Variants in PATJ observed in about 807,000 individuals in gnomAD.
The protein encoded by PATJ is PATJ crumbs cell polarity complex component.
In PATJ, 190 loss-of-function variants were observed where a neutral mutation model predicts 224.9. That is an observed-to-expected ratio of 0.84 (90% CI 0.75 to 0.95). The LOEUF (loss-of-function observed/expected upper bound fraction) is 0.95. Ranked by LOEUF, PATJ falls within the 40% of genes least tolerant of loss-of-function variation. The probability of loss-of-function intolerance (pLI) is 0.00; values close to 1 mark genes in which losing one functional copy is unlikely to be tolerated. For synonymous variants in PATJ, 769 were observed against 820.3 expected (o/e 0.94, Z 1.07); for missense variants, 2,121 against 2,270.3 (o/e 0.93, Z 1.34).
At chr1:62,052,440 A>G (rs944896873) in intron 31 of PATJ, among the ~76,000 whole-genome samples, 3 of 102,008 alleles carry the variant, frequency 2.9e-5, no homozygotes, top group East Asian at 2.1e-4. Flanking sequence ...GAGATTGACT[A>G]AAAAAAAAAA....
chr1:61,742,714 G>A (rs1247652878), intron 1 of PATJ, among the ~76,000 whole-genome samples, 159 bp downstream of exon 1: 1 of 151,480 alleles, frequency 6.6e-6, no homozygotes, highest in Non-Finnish European at 1.5e-5. Flanking sequence ...GGAGCCGGAG[G>A]TGGAGGGCGC....
chr1:61,990,450 G>C, intron 28 of PATJ, 86 bp downstream of exon 28: 154 of 758,960 alleles, frequency 2.0e-4, no homozygotes, highest in Non-Finnish European at 2.8e-4. Context: ...TGAAAGGGAA[G>C]AATGATGTCA....
intron 27 of PATJ, among the ~76,000 whole-genome samples, chr1:61,935,974 T>C (rs1363636158): frequency 6.6e-6 from 1 of 152,176 alleles, no homozygotes; most frequent in East Asian, 1.9e-4. Context: ...AGTCACAGTC[T>C]TTTTTAAGCT....
intron 27 of PATJ, among the ~76,000 whole-genome samples, chr1:61,980,327 A>C (rs1207208730): frequency 1.3e-5 from 2 of 151,984 alleles, no homozygotes; most frequent in Admixed American, 6.6e-5. Context: ...AGTCTATATA[A>C]AGATGGTTGT....
At chr1:61,908,803 T>A (rs1444685641) in intron 25 of PATJ, among the ~76,000 whole-genome samples, 3 of 152,204 alleles carry the variant, frequency 2.0e-5, no homozygotes, top group African/African-American at 7.2e-5. Flanking sequence ...GTTACTTTGT[T>A]TATGAAATAC....
chr1:62,147,539 C>T (rs1477354587), intron 41 of PATJ, among the ~76,000 whole-genome samples: 7 of 152,192 alleles, frequency 4.6e-5, no homozygotes, highest in African/African-American at 1.7e-4. Context: ...TGGCTCACGC[C>T]TGTAATCCCA....
intron 25 of PATJ, among the ~76,000 whole-genome samples, chr1:61,912,966 A>G (rs1223341664): frequency 6.6e-6 from 1 of 152,164 alleles, no homozygotes; most frequent in East Asian, 1.9e-4. Flanking sequence ...AAACAGAGAT[A>G]GAAATATTAG....
intron 14 of PATJ, among the ~76,000 whole-genome samples, chr1:61,813,014 T>C (rs896724293): frequency 6.6e-6 from 1 of 151,972 alleles, no homozygotes; most frequent in African/African-American, 2.4e-5. Context: ...ATTAGCTTTT[T>C]AGCCTCCTGT....
intron 20 of PATJ, among the ~76,000 whole-genome samples, chr1:61,868,308 C>T (rs1274252231): frequency 6.6e-6 from 1 of 152,156 alleles, no homozygotes; most frequent in Non-Finnish European, 1.5e-5. Flanking sequence ...TGATCTTTCT[C>T]CTCTCTCTCT....
intron 13 of PATJ, among the ~76,000 whole-genome samples, chr1:61,807,289 A>T (rs1416502718): frequency 6.6e-6 from 1 of 152,102 alleles, no homozygotes; most frequent in Non-Finnish European, 1.5e-5. Context: ...GTGATCTCCC[A>T]CCTCAGCCTC....
At chr1:61,746,673 CTCTAT>C (rs71751358) in intron 1 of PATJ, among the ~76,000 whole-genome samples, 41,917 of 151,810 alleles carry the variant, frequency 0.28, 5,892 homozygotes, top group East Asian at 0.39. Flanking sequence ...GAAAATTAAG[CTCTAT>C]TCTGCATTTA....
intron 7 of PATJ, among the ~76,000 whole-genome samples, chr1:61,781,453 A>G (rs1359332282): frequency 8.7e-6 from 1 of 115,354 alleles, no homozygotes; most frequent in African/African-American, 3.2e-5. Context: ...AGTCAATGTT[A>G]TGCTTTCTAT....
At chr1:61,876,601 C>T (rs1168590767) in intron 21 of PATJ, among the ~76,000 whole-genome samples, 1 of 152,140 alleles carries the variant, frequency 6.6e-6, no homozygotes, top group South Asian at 2.1e-4. Context: ...TGTCTTCTAA[C>T]CCTAGATGCC....
intron 41 of PATJ, 48 bp downstream of exon 41, chr1:62,128,993 A>G (rs746764760): frequency 8.3e-6 from 11 of 1,318,642 alleles, no homozygotes; most frequent in African/African-American, 1.4e-5. Flanking sequence ...GATAAGTGGC[A>G]TGCAAAAAAG....
intron 20 of PATJ, among the ~76,000 whole-genome samples, chr1:61,868,927 T>C (rs1199075976): frequency 6.6e-6 from 1 of 152,112 alleles, no homozygotes; most frequent in East Asian, 1.9e-4. Context: ...AAGTTTTATT[T>C]ATACACACAT....
intron 7 of PATJ, among the ~76,000 whole-genome samples, chr1:61,778,674 T>C (rs550654087): frequency 6.6e-6 from 1 of 152,108 alleles, no homozygotes; most frequent in African/African-American, 2.4e-5. Context: ...TTTGTAAAAA[T>C]ATTAAACAGT....
intron 27 of PATJ, chr1:61,952,277 AG>A: frequency 1.7e-6 from 1 of 581,466 alleles, no homozygotes; most frequent in South Asian, 2.0e-5. Flanking sequence ...AGAGAGAGAG[AG>A]AAAAATAGGC....
intron 1 of PATJ, among the ~76,000 whole-genome samples, chr1:61,748,801 C>T (rs1462001684): frequency 6.6e-6 from 1 of 152,106 alleles, no homozygotes; most frequent in Non-Finnish European, 1.5e-5. Context: ...CACGCACCGG[C>T]ACGCACCACC....
chr1:62,057,193 GGGATTT>G (rs1355231590), intron 31 of PATJ, among the ~76,000 whole-genome samples: 1 of 152,150 alleles, frequency 6.6e-6, no homozygotes, highest in Non-Finnish European at 1.5e-5. Context: ...CGTATGAAAG[GGGATTT>G]GACCTTGAGA....
Sources: gnomAD v4.1 joint callset for allele counts (sites outside exome capture counted in the v4.1 genomes callset) on GRCh38, gnomAD v4.1.1 for gene constraint, MANE v1.5 for transcripts, NCBI Gene and HGNC (gene_info 2026-07-23, HGNC 2026-07-21) for gene names.